LEO1: variants seen among roughly 807,000 people sequenced by gnomAD.
LEO1 encodes RNA polymerase-associated protein LEO1.
LEO1 carries 34 observed loss-of-function variants against 80.4 expected under a neutral mutation model. The observed-to-expected ratio is 0.42, with a 90% CI of 0.32 to 0.56. The LOEUF (loss-of-function observed/expected upper bound fraction) is 0.56. Ranked by LOEUF, LEO1 falls within the 20% of genes least tolerant of loss-of-function variation. The probability of loss-of-function intolerance (pLI) is 0.10; values close to 1 mark genes in which losing one functional copy is unlikely to be tolerated. For missense variants in LEO1, 631 were observed against 814.2 expected (o/e 0.77, Z 2.74); for synonymous variants, 262 against 274.9 (o/e 0.95, Z 0.46).
At chr15:51,945,351 A>G (rs2056891287) in intron 11 of LEO1, among the ~76,000 whole-genome samples, 2 of 151,026 alleles carry the variant, frequency 1.3e-5, no homozygotes. Context: ...CTCACTCACA[A>G]GGCTCCAGCT....
chr15:51,962,016 T>C (rs2141772542), intron 3 of LEO1, among the ~76,000 whole-genome samples: 1 of 151,866 alleles, frequency 6.6e-6, no homozygotes, highest in Middle Eastern at 3.4e-3. Flanking sequence ...ACAAAAAATT[T>C]AGCCAGGCAT....
rs1413628090 is a variant in LEO1, at chr15:51,965,785, G to A, written c.778C>T (p.His260Tyr). Residue 260 changes from histidine (H) to tyrosine (Y), a missense_variant, in exon 2 of 12, where the codon CAT (histidine) becomes TAT (tyrosine). Coordinates refer to ENST00000299601, the MANE Select transcript of LEO1 (RefSeq NM_138792.4). ...TCCTGTTCCTCTTCATCATCTGAAT[G>A]CCTGTGTTCTTCATCTGAGGCCTGT... ...RPQASDEEHR[H>Y]SDDEEEQDHK... 2 of 1,611,608 alleles carry A rather than the reference G, an allele frequency of 1.2e-6. No individual in the cohort carries two copies. The highest frequency in any genetic ancestry group is 1.3e-5 in the African/African-American group (1 of 74,794).
intron 11 of LEO1, among the ~76,000 whole-genome samples, chr15:51,945,491 C>T (rs1168716696): frequency 2.0e-5 from 3 of 152,060 alleles, no homozygotes; most frequent in Admixed American, 2.0e-4. Context: ...GACGTTTACT[C>T]AAAGATCACC....
intron 2 of LEO1, among the ~76,000 whole-genome samples, chr15:51,963,978 A>C (rs930108402): frequency 6.6e-6 from 1 of 151,678 alleles, no homozygotes; most frequent in Non-Finnish European, 1.5e-5. Flanking sequence ...AGGCCGAAGC[A>C]GGCGGATCAC....
chr15:51,947,541 A>G (rs977581577), intron 10 of LEO1, 152 bp from the exon 11 acceptor site: 2 of 604,694 alleles, frequency 3.3e-6, no homozygotes, highest in African/African-American at 1.9e-5. Flanking sequence ...TCAGCCTCCC[A>G]AGTAGGTGGG....
In LEO1 at chr15:51,960,731, T is replaced by A. The variant is rs1327871413; in HGVS notation, c.922A>T (p.Asn308Tyr). The A allele has an allele frequency of 2.5e-6, 4 of 1,583,802 alleles. No homozygotes were observed. In the African/African-American group the frequency reaches 5.4e-5, roughly 21 times the overall value. ...CCAAATAAATCCATGGTTCCACTAT[T>A]ATCTTCAATGCAGAAGGAAAAAGGC... ...ADSDTEVPKD[N>Y]SGTMDLFGGA... The change falls in exon 4 of 12, where the codon AAT (asparagine) becomes TAT (tyrosine). Residue 308 changes from asparagine to tyrosine, a missense_variant and splice_region_variant. Physicochemically the swap from Asn to Tyr is moderately radical, Grantham distance 143. This residue lies in a region of LEO1 where 394 missense variants were observed against 395.6 expected (regional missense o/e 1.00). Transcript: ENST00000299601.
chr15:51,948,104 C>A (rs540383337), intron 10 of LEO1, among the ~76,000 whole-genome samples: 2 of 152,228 alleles, frequency 1.3e-5, no homozygotes, highest in East Asian at 3.9e-4. Flanking sequence ...CCAGGCAGAC[C>A]TTTCAAAGAG....
At chr15:51,947,179 G>A in intron 11 of LEO1, 113 bp downstream of exon 11, 1 of 750,734 alleles carries the variant, frequency 1.3e-6, no homozygotes, top group African/African-American at 1.7e-5. Flanking sequence ...CTGGATTTCA[G>A]TGACGTGTGT....
chr15:51,963,492 T>G (rs1022113076), intron 2 of LEO1, among the ~76,000 whole-genome samples: 1 of 152,198 alleles, frequency 6.6e-6, no homozygotes, highest in Admixed American at 6.5e-5. Flanking sequence ...TAGTAAGAGA[T>G]AAGCAGAATG....
intron 1 of LEO1, among the ~76,000 whole-genome samples, 175 bp from the exon 2 acceptor site, chr15:51,966,679 G>A (rs777306149): frequency 7.2e-5 from 11 of 152,188 alleles, no homozygotes; most frequent in Non-Finnish European, 1.0e-4. Context: ...GGGAAGCCGA[G>A]GCAGGCAGAT....
At chr15:51,949,778 G>A in intron 10 of LEO1, 30 bp downstream of exon 10, 1 of 1,581,150 alleles carries the variant, frequency 6.3e-7, no homozygotes, top group Non-Finnish European at 8.7e-7. Flanking sequence ...ATCCCGAAAT[G>A]ATGAAATGTA....
At chr15:51,954,330 T>C (rs1023829944) in intron 7 of LEO1, 151 bp downstream of exon 7, 13 of 596,382 alleles carry the variant, frequency 2.2e-5, no homozygotes, top group African/African-American at 2.1e-4. Flanking sequence ...TCCACTGAGC[T>C]GTTATCATGT....
At chr15:51,951,546 A>G (rs1218802844) in intron 9 of LEO1, among the ~76,000 whole-genome samples, 3 of 152,222 alleles carry the variant, frequency 2.0e-5, no homozygotes, top group Non-Finnish European at 4.4e-5. Flanking sequence ...TAAACCACAC[A>G]TAGATGACTT....
chr15:51,966,216 T>C lies in LEO1; in HGVS notation c.347A>G (p.Asp116Gly). The change falls in exon 2 of 12, where the codon GAT becomes GGT. Residue 116 changes from aspartate (D) to glycine (G), a missense_variant. Physicochemically the swap from Asp to Gly is moderately conservative, Grantham distance 94. Around this residue, in one of 4 missense-constraint regions of LEO1, gnomAD observed 394 missense variants for 395.6 expected, o/e 1.00. Coordinates refer to ENST00000299601, the MANE Select transcript of LEO1 (RefSeq NM_138792.4). Reference sequence around the variant, plus strand: ...ATCCGATCTATGACCTTCGTCTTCATCATCATTAGGGGCTTCTGATCCACT... The same window carrying C: ...ATCCGATCTATGACCTTCGTCTTCACCATCATTAGGGGCTTCTGATCCACT... ...QHSGSEAPND[D>G]EDEGHRSDGG... is the part of the protein sequence containing the mutation. 1 of 1,614,010 alleles carries C rather than the reference T, an allele frequency of 6.2e-7. No homozygotes were observed. The highest frequency in any genetic ancestry group is 8.5e-7 in the Non-Finnish European group (1 of 1,180,034).
chr15:51,953,246 C>A lies in LEO1; in HGVS notation c.1358G>T (p.Gly453Val). ...WSDGSMSLHL[G>V]NEVFDVYKAP... ...TTTGTACACATCAAACACTTCATTG[C>A]CTAAATGCAGGGACATGCTGGAAAG... Residue 453 changes from glycine to valine, a missense_variant, in exon 8 of 12, where the codon GGC (glycine) becomes GTC (valine). Physicochemically the swap from Gly to Val is moderately radical, Grantham distance 109. Around this residue, in one of 4 missense-constraint regions of LEO1, gnomAD observed 95 missense variants for 171.7 expected, o/e 0.55. Coordinates refer to ENST00000299601, the MANE Select transcript of LEO1 (RefSeq NM_138792.4). The A allele has an allele frequency of 1.2e-6, 2 of 1,613,304 alleles. No individual in the cohort carries two copies. Among genetic ancestry groups the A allele is most frequent in the Non-Finnish European group, 1.7e-6 (2 of 1,179,762 alleles).
At chr15:51,960,094 T>C (rs1430634964) in intron 4 of LEO1, 50 bp from the exon 5 acceptor site, 3 of 1,465,778 alleles carry the variant, frequency 2.0e-6, no homozygotes, top group African/African-American at 1.4e-5. Context: ...TAGAAATGGC[T>C]TCCTTCAACC....
At chr15:51,962,933 C>A (rs907703479) in intron 2 of LEO1, among the ~76,000 whole-genome samples, 1 of 150,048 alleles carries the variant, frequency 6.7e-6, no homozygotes, top group South Asian at 2.1e-4. Context: ...ATGCCCCCCC[C>A]CCAAAAAATT....
rs1404612027 is a variant in LEO1 at position 51,965,995 on chromosome 15, C to G, written c.568G>C (p.Asp190His). 1 of 1,614,014 alleles carries G rather than the reference C, an allele frequency of 6.2e-7. No individual in the cohort carries two copies. Among genetic ancestry groups the G allele is most frequent in the Admixed American group, 1.7e-5 (1 of 59,996 alleles). ...TCGGAAAGCTGAGGCCTCTCCTCAT[C>G]ATCTGTGTTCTGCATTTTCTCATCA... ...DDDEKMQNTD[D>H]EERPQLSDDE... The change falls in exon 2 of 12, where the codon GAT becomes CAT. Residue 190 changes from aspartate (D) to histidine (H), a missense_variant. This residue lies in a region of LEO1 where 394 missense variants were observed against 395.6 expected (regional missense o/e 1.00). Coordinates refer to ENST00000299601, the MANE Select transcript of LEO1 (RefSeq NM_138792.4).
At chr15:51,962,886 A>G (rs889860876) in intron 2 of LEO1, among the ~76,000 whole-genome samples, 3 of 151,890 alleles carry the variant, frequency 2.0e-5, no homozygotes, top group African/African-American at 7.2e-5. Context: ...ACAAATCTAT[A>G]GATATGTTAA....
Sources: allele counts gnomAD v4.1 joint callset (sites outside exome capture counted in the v4.1 genomes callset), GRCh38; gene constraint gnomAD v4.1.1; regional missense constraint gnomAD v4.1.1; transcripts MANE v1.5; gene names NCBI Gene and HGNC (gene_info 2026-07-23, HGNC 2026-07-21).